Variants in CADM2 observed in about 807,000 individuals in gnomAD.
CADM2 encodes immunoglobulin superfamily member 4D.
In CADM2, 12 loss-of-function variants were observed where a neutral mutation model predicts 49.8. The observed-to-expected ratio is 0.24, with a 90% CI of 0.15 to 0.39. CADM2 has a LOEUF of 0.39. Among genes scored for constraint, CADM2 ranks in the 10% least tolerant of loss-of-function variants. CADM2 has a pLI of 1.00. For missense variants in CADM2, 378 were observed against 492.3 expected, an observed-to-expected ratio of 0.77 and a Z score of 2.20; for synonymous variants, 214 against 175.4, an observed-to-expected ratio of 1.22 and a Z score of -1.74.
At chr3:85,049,327 G>GTTTT (rs373447374) in intron 1 of CADM2, among the ~76,000 whole-genome samples, 1 of 146,148 alleles carries the variant, frequency 6.8e-6, no homozygotes, top group African/African-American at 2.6e-5. Context: ...TGCAGGTTTA[G>GTTTT]TTTATTTATT....
At chr3:85,875,773 A>G (rs945851026) in intron 3 of CADM2, among the ~76,000 whole-genome samples, 7 of 152,240 alleles carry the variant, frequency 4.6e-5, no homozygotes, top group African/African-American at 1.7e-4. Flanking sequence ...AGCCTGTTGC[A>G]GAAGTCTGAA....
chr3:86,021,323 C>T (rs546657597), intron 8 of CADM2, among the ~76,000 whole-genome samples: 1 of 152,174 alleles, frequency 6.6e-6, no homozygotes, highest in African/African-American at 2.4e-5. Flanking sequence ...TGTATCCATC[C>T]ACTTCAATTC....
At chr3:84,975,713 TTC>T (rs546363025) in intron 1 of CADM2, among the ~76,000 whole-genome samples, 68 of 151,850 alleles carry the variant, frequency 4.5e-4, no homozygotes, top group Non-Finnish European at 8.4e-4. Flanking sequence ...TCTTTGTGTT[TTC>T]TGTTATTTTG....
intron 1 of CADM2, among the ~76,000 whole-genome samples, chr3:85,409,656 G>A (rs2035567350): frequency 6.6e-6 from 1 of 152,140 alleles, no homozygotes. Context: ...AGCAAGGGAA[G>A]GGAATGGAGG....
intron 6 of CADM2, among the ~76,000 whole-genome samples, chr3:85,935,228 G>A (rs73132644): frequency 0.054 from 8,235 of 152,120 alleles, 362 homozygotes; most frequent in South Asian, 0.11. Flanking sequence ...CTCACTAACT[G>A]TACTTCTGTA....
intron 1 of CADM2, among the ~76,000 whole-genome samples, chr3:85,452,754 A>G (rs1239245371): frequency 1.3e-5 from 2 of 152,186 alleles, no homozygotes; most frequent in East Asian, 3.9e-4. Flanking sequence ...TTGCGGTAGC[A>G]GATGTGATTC....
chr3:85,705,390 GAC>G (rs1392782732), intron 1 of CADM2, among the ~76,000 whole-genome samples: 1 of 152,146 alleles, frequency 6.6e-6, no homozygotes, highest in Non-Finnish European at 1.5e-5. Context: ...AAAGCACAGA[GAC>G]ATGGCATACC....
At chr3:85,097,926 A>G (rs2037863096) in intron 1 of CADM2, among the ~76,000 whole-genome samples, 1 of 152,192 alleles carries the variant, frequency 6.6e-6, no homozygotes, top group South Asian at 2.1e-4. Flanking sequence ...TCATTCACAA[A>G]CCTCCAATTT....
chr3:85,629,493 A>T (rs1217202349), intron 1 of CADM2, among the ~76,000 whole-genome samples: 1 of 151,848 alleles, frequency 6.6e-6, no homozygotes, highest in East Asian at 1.9e-4. Context: ...ATTGTTACAA[A>T]CTGGTTATAT....
intron 7 of CADM2, among the ~76,000 whole-genome samples, chr3:85,944,473 T>C (rs906511797): frequency 1.3e-5 from 2 of 152,064 alleles, no homozygotes; most frequent in Non-Finnish European, 2.9e-5. Context: ...ATATATATTC[T>C]TTTCAGCACC....
chr3:85,911,955 T>A (rs1404059384), intron 5 of CADM2, among the ~76,000 whole-genome samples: 2 of 148,804 alleles, frequency 1.3e-5, no homozygotes. Context: ...ATTAATTTTT[T>A]TTTTTAGACA....
At chr3:85,086,187 C>T (rs1041282421) in intron 1 of CADM2, among the ~76,000 whole-genome samples, 6 of 152,014 alleles carry the variant, frequency 3.9e-5, no homozygotes, top group Non-Finnish European at 7.4e-5. Flanking sequence ...ACTAAAAATT[C>T]TCAAGAATAG....
intron 1 of CADM2, among the ~76,000 whole-genome samples, chr3:85,657,871 G>A (rs575919955): frequency 6.6e-6 from 1 of 151,592 alleles, no homozygotes; most frequent in African/African-American, 2.4e-5. Flanking sequence ...TTTAGAAAGA[G>A]TGTAATTGCA....
intron 1 of CADM2, among the ~76,000 whole-genome samples, chr3:85,484,835 T>C (rs2039352778): frequency 6.6e-6 from 1 of 151,976 alleles, no homozygotes; most frequent in Admixed American, 6.6e-5. Flanking sequence ...TCAAATCATT[T>C]TTATAAACAC....
At chr3:85,892,826 G>A (rs1714648831) in intron 5 of CADM2, among the ~76,000 whole-genome samples, 1 of 152,212 alleles carries the variant, frequency 6.6e-6, no homozygotes, top group Non-Finnish European at 1.5e-5. Context: ...GGACAGTTTG[G>A]AGGTATCAGA....
chr3:85,778,896 C>T (rs975217849), intron 2 of CADM2, among the ~76,000 whole-genome samples: 7 of 152,184 alleles, frequency 4.6e-5, no homozygotes, highest in Admixed American at 1.3e-4. Context: ...ACTCTTCATA[C>T]ACTTTATCTT....
intron 8 of CADM2, among the ~76,000 whole-genome samples, chr3:85,975,423 A>T (rs4303861): frequency 6.6e-6 from 1 of 151,106 alleles, no homozygotes; most frequent in Non-Finnish European, 1.5e-5. Context: ...TCTGATTTTG[A>T]TGAACTTCAT....
intron 2 of CADM2, among the ~76,000 whole-genome samples, chr3:85,728,713 G>C (rs1027775831): frequency 3.3e-5 from 5 of 152,076 alleles, no homozygotes; most frequent in African/African-American, 1.2e-4. Flanking sequence ...ACGCAAATGT[G>C]GAAAGTTTCT....
At chr3:85,129,348 TTA>T (rs2039149642) in intron 1 of CADM2, among the ~76,000 whole-genome samples, 1 of 152,214 alleles carries the variant, frequency 6.6e-6, no homozygotes, top group Non-Finnish European at 1.5e-5. Context: ...TACCTAATAT[TTA>T]TATCTCTTTT....
Sources: gnomAD v4.1 joint callset for allele counts (sites outside exome capture counted in the v4.1 genomes callset) on GRCh38, gnomAD v4.1.1 for gene constraint, MANE v1.5 for transcripts, NCBI Gene and HGNC (gene_info 2026-07-23, HGNC 2026-07-21) for gene names.